TUT4: variants seen among roughly 807,000 people sequenced by gnomAD.
TUT4 encodes the protein terminal uridylyltransferase 4.
Under a neutral mutation model 192.2 loss-of-function variants are expected in TUT4, and 36 were observed. The ratio of observed to expected loss-of-function variants is 0.19; its 90% CI spans 0.14 to 0.25. The LOEUF is 0.25. Ranked by LOEUF, TUT4 falls within the 10% of genes least tolerant of loss-of-function variation. TUT4 has a pLI of 1.00. For missense variants in TUT4, 1,493 were observed against 1,957.2 expected (o/e 0.76, Z 4.47); for synonymous variants, 618 against 666.0 (o/e 0.93, Z 1.11).
chr1:52,455,884 C>G (rs1660784936), intron 20 of TUT4, among the ~76,000 whole-genome samples: 1 of 152,034 alleles, frequency 6.6e-6, no homozygotes, highest in East Asian at 1.9e-4. Context: ...AAACAGCTGG[C>G]CATTTCTTAC....
chr1:52,443,056 G>A (rs1656165454), intron 24 of TUT4, among the ~76,000 whole-genome samples: 1 of 152,226 alleles, frequency 6.6e-6, no homozygotes, highest in East Asian at 1.9e-4. Context: ...GGCCGAGGCA[G>A]GTGGATCACC....
At chr1:52,507,609 C>A (rs539503276) in intron 4 of TUT4, among the ~76,000 whole-genome samples, 48 of 152,072 alleles carry the variant, frequency 3.2e-4, no homozygotes, top group African/African-American at 1.2e-3. Flanking sequence ...TTTCCCTATA[C>A]GGGCTGAGCA....
At chr1:52,524,627 G>C (rs1208206481) in intron 2 of TUT4, among the ~76,000 whole-genome samples, 1 of 152,070 alleles carries the variant, frequency 6.6e-6, no homozygotes, top group East Asian at 1.9e-4. Flanking sequence ...CCAATATGGT[G>C]AAATCCCGTC....
chr1:52,510,815 G>A (rs1489621766), intron 3 of TUT4, among the ~76,000 whole-genome samples: 1 of 152,080 alleles, frequency 6.6e-6, no homozygotes, highest in Non-Finnish European at 1.5e-5. Flanking sequence ...CCTTTTACAA[G>A]GATATAGCAA....
Position 52,477,882 on chromosome 1 carries a change from A to T in TUT4, c.1849T>A (p.Ser617Thr). The T allele has an allele frequency of 6.3e-7, 1 of 1,576,068 alleles. No homozygotes were observed. Among genetic ancestry groups the T allele is most frequent in the Non-Finnish European group, 8.6e-7 (1 of 1,166,690 alleles). The change falls in exon 12 of 30, where the codon TCT becomes ACT. Residue 617 changes from serine to threonine, a missense_variant and splice_region_variant. By Grantham distance (58) the Ser-to-Thr change is moderately conservative. Around this residue, in one of 7 missense-constraint regions of TUT4, gnomAD observed 437 missense variants for 577.6 expected, o/e 0.76. Coordinates refer to ENST00000257177, the MANE Select transcript of TUT4 (RefSeq NM_001009881.3). Reference protein sequence around the residue: ...SNAMKEKHGKSPLALETPNRV... With the variant: ...SNAMKEKHGKTPLALETPNRV... ...TTTGGTGTTTCCAATGCTAAAGGAGACTGGAAAAGAAAAAATACTTTTCAT... is the reference window on the plus strand; with the variant it reads ...TTTGGTGTTTCCAATGCTAAAGGAGTCTGGAAAAGAAAAAATACTTTTCAT...
intron 1 of TUT4, among the ~76,000 whole-genome samples, chr1:52,551,737 C>T (rs756472396): frequency 1.3e-5 from 2 of 152,192 alleles, no homozygotes; most frequent in Non-Finnish European, 2.9e-5. Context: ...CTTTTTAAAC[C>T]ATCCCACAAT....
intron 3 of TUT4, among the ~76,000 whole-genome samples, chr1:52,512,904 A>C (rs1677589458): frequency 6.7e-6 from 1 of 150,036 alleles, no homozygotes; most frequent in African/African-American, 2.4e-5. Flanking sequence ...GAAATAAAAA[A>C]AAAACAAAAA....
intron 14 of TUT4, among the ~76,000 whole-genome samples, chr1:52,471,109 C>T (rs1665649991): frequency 6.6e-6 from 1 of 151,182 alleles, no homozygotes; most frequent in Non-Finnish European, 1.5e-5. Flanking sequence ...CTCCACCTCC[C>T]AGGTCCAAGC....
At chr1:52,529,758 A>C (rs1682843715) in intron 1 of TUT4, 1 of 152,240 alleles carries the variant, frequency 6.6e-6, no homozygotes, top group African/African-American at 2.4e-5. Flanking sequence ...AAAGAAAAAA[A>C]TCAATGTACC....
chr1:52,520,710 C>T (rs1478096247), intron 2 of TUT4, among the ~76,000 whole-genome samples: 1 of 152,192 alleles, frequency 6.6e-6, no homozygotes, highest in Non-Finnish European at 1.5e-5. Flanking sequence ...CCAATACCAA[C>T]AGTAGCATCA....
chr1:52,520,023 A>T (rs1679819756), intron 2 of TUT4, among the ~76,000 whole-genome samples: 1 of 152,168 alleles, frequency 6.6e-6, no homozygotes, highest in Admixed American at 6.6e-5. Context: ...TATCTCAAAA[A>T]AAGAAGGCAA....
chr1:52,445,353 T>A (rs1657231262), intron 24 of TUT4, among the ~76,000 whole-genome samples: 1 of 152,176 alleles, frequency 6.6e-6, no homozygotes, highest in Non-Finnish European at 1.5e-5. Flanking sequence ...AAAATATTTC[T>A]TCGGTTTTGT....
intron 2 of TUT4, among the ~76,000 whole-genome samples, chr1:52,521,508 T>C (rs890151372): frequency 4.0e-5 from 6 of 150,774 alleles, no homozygotes; most frequent in African/African-American, 1.5e-4. Context: ...TTACTAAAAA[T>C]ACAAAAATTA....
chr1:52,450,105 C>T (rs1054434615), intron 20 of TUT4, among the ~76,000 whole-genome samples: 1 of 152,082 alleles, frequency 6.6e-6, no homozygotes, highest in Non-Finnish European at 1.5e-5. Context: ...CTCTTTTTGA[C>T]GTAAAGAACT....
At chr1:52,539,992 G>A (rs1348188193) in intron 1 of TUT4, among the ~76,000 whole-genome samples, 1 of 151,610 alleles carries the variant, frequency 6.6e-6, no homozygotes, top group Non-Finnish European at 1.5e-5. Flanking sequence ...GCCAAGGCGG[G>A]CAGATCACGA....
rs367945162 is a variant in TUT4, at chr1:52,487,281, A to C, written c.1515+1628T>G. ...GGCAACAAAATGAGAACCCATCTCT[A>C]CAAAAATAAAAAATAAAAAATTAGC... On this transcript the variant is annotated intron_variant, in intron 9 of 29. Transcript: ENST00000257177. 3.3e-5 allele frequency among the ~76,000 whole-genome samples: 5 copies of C among 151,996 alleles called. No individual in the cohort carries two copies. The East Asian group carries it at 7.7e-4, about 24-fold the overall frequency.
intron 1 of TUT4, among the ~76,000 whole-genome samples, chr1:52,548,104 T>A (rs1464098371): frequency 6.6e-6 from 1 of 152,046 alleles, no homozygotes; most frequent in East Asian, 1.9e-4. Context: ...GACCAGAGAA[T>A]AAGGGAAAAG....
At chr1:52,492,208 C>T (rs1395852409) in intron 7 of TUT4, among the ~76,000 whole-genome samples, 2 of 152,038 alleles carry the variant, frequency 1.3e-5, no homozygotes, top group African/African-American at 4.8e-5. Context: ...TTATATGATA[C>T]ACTGTACCAA....
chr1:52,486,953 T>C (rs1376076050), intron 9 of TUT4, among the ~76,000 whole-genome samples: 1 of 152,160 alleles, frequency 6.6e-6, no homozygotes, highest in Non-Finnish European at 1.5e-5. Flanking sequence ...AAAACTGACA[T>C]GACTTTATGA....
Sources: gnomAD v4.1 joint callset for allele counts (sites outside exome capture counted in the v4.1 genomes callset) on GRCh38, gnomAD v4.1.1 for gene constraint, gnomAD v4.1.1 regional missense constraint, MANE v1.5 for transcripts, NCBI Gene and HGNC (gene_info 2026-07-23, HGNC 2026-07-21) for gene names.